Variants in HGSNAT observed in about 807,000 individuals in gnomAD.
HGSNAT encodes transmembrane protein 76.
A neutral mutation model predicts 85.2 loss-of-function variants in HGSNAT; 59 were observed. The observed-to-expected ratio is 0.69, with a 90% CI of 0.56 to 0.86. The LOEUF (loss-of-function observed/expected upper bound fraction) is 0.86. Among genes scored for constraint, HGSNAT ranks in the 40% least tolerant of loss-of-function variants. HGSNAT has a pLI of 0.00. For synonymous variants in HGSNAT, 321 were observed against 304.5 expected (o/e 1.05, Z -0.56); for missense variants, 756 against 777.1 (o/e 0.97, Z 0.32).
chr8:43,198,374 G>A (rs1178160210), intron 17 of HGSNAT, among the ~76,000 whole-genome samples: 3 of 135,130 alleles, frequency 2.2e-5, no homozygotes, highest in African/African-American at 5.6e-5. Context: ...TGCAAGCTCC[G>A]CTTCCCAGGT....
intron 14 of HGSNAT, chr8:43,196,705 T>C (rs1804739177): frequency 1.7e-6 from 1 of 577,958 alleles, no homozygotes; most frequent in African/African-American, 1.9e-5. Context: ...CTCACCTCTG[T>C]GGCTCGTCCT....
At chr8:43,179,468 A>C (rs1586735245) in intron 10 of HGSNAT, among the ~76,000 whole-genome samples, 2 of 94,074 alleles carry the variant, frequency 2.1e-5, no homozygotes, top group Admixed American at 1.9e-4. Context: ...CACCTCCCGG[A>C]CGGGGCGGCC....
intron 11 of HGSNAT, among the ~76,000 whole-genome samples, chr8:43,185,280 T>C (rs1333157243): frequency 6.6e-6 from 1 of 152,262 alleles, no homozygotes; most frequent in Non-Finnish European, 1.5e-5. Context: ...CATGGAATGT[T>C]CTTCCATTTG....
Position 43,199,818 on chromosome 8 carries a change from T to C in HGSNAT, c.*249T>C. The stretch of plus-strand genomic sequence containing the variant: ...TTCCTCCATCTTCTGTGGAAATGGA[T>C]GTCTTTGGAACTTCATTCCGAGGAG... On this transcript the variant is annotated 3_prime_UTR_variant, in exon 18 of 18. Coordinates refer to ENST00000379644, the MANE Select transcript of HGSNAT (RefSeq NM_152419.3). 3.1e-6 allele frequency: 1 copy of C among 320,340 alleles called. No homozygotes were observed. Among genetic ancestry groups the C allele is most frequent in the South Asian group, 1.4e-4 (1 of 7,216 alleles). The allele number at this position is 320,340 out of a possible 1,614,324, so 19.8% of individuals were successfully genotyped here. A position where few individuals can be genotyped will look rare whatever the true frequency, so the allele number is the denominator to read the frequency against.
chr8:43,195,008 T>C (rs1290104757), intron 14 of HGSNAT, among the ~76,000 whole-genome samples: 1 of 152,130 alleles, frequency 6.6e-6, no homozygotes, highest in Non-Finnish European at 1.5e-5. Flanking sequence ...AGTGGGACAG[T>C]CCCTAGCCAG....
At chr8:43,147,591 C>A (rs1586698989) in intron 2 of HGSNAT, among the ~76,000 whole-genome samples, 1 of 152,192 alleles carries the variant, frequency 6.6e-6, no homozygotes, top group African/African-American at 2.4e-5. Flanking sequence ...GAAATCATGT[C>A]CTTTGCAGCA....
intron 1 of HGSNAT, 64 bp from the exon 2 acceptor site, chr8:43,146,884 T>C: frequency 1.1e-6 from 1 of 895,706 alleles, no homozygotes; most frequent in East Asian, 2.6e-5. Context: ...GAATGTACTT[T>C]GTCTCTAACA....
At chr8:43,198,033 T>C (rs1804786366) in intron 17 of HGSNAT, 81 bp downstream of exon 17, 2 of 1,014,186 alleles carry the variant, frequency 2.0e-6, no homozygotes, top group Admixed American at 4.3e-5. Flanking sequence ...TCCTTGGTGC[T>C]GGGGTCTTGA....
chr8:43,190,790 A>C (rs1315422226), intron 11 of HGSNAT, among the ~76,000 whole-genome samples: 2 of 152,186 alleles, frequency 1.3e-5, no homozygotes, highest in African/African-American at 4.8e-5. Context: ...TCCCATGTTG[A>C]AAGTGTACAA....
chr8:43,193,590 G>A (rs1480402805), intron 13 of HGSNAT, among the ~76,000 whole-genome samples, 167 bp from the exon 14 acceptor site: 2 of 152,156 alleles, frequency 1.3e-5, no homozygotes, highest in South Asian at 2.1e-4. Context: ...TTTCTTAGCC[G>A]GAAGCATTCT....
chr8:43,142,230 T>C (rs985859162), intron 1 of HGSNAT, among the ~76,000 whole-genome samples: 3 of 152,086 alleles, frequency 2.0e-5, no homozygotes, highest in Non-Finnish European at 2.9e-5. Context: ...GTGACTTTAT[T>C]TGGTAATTTG....
At chr8:43,142,034 T>C (rs996299350) in intron 1 of HGSNAT, among the ~76,000 whole-genome samples, 1 of 151,996 alleles carries the variant, frequency 6.6e-6, no homozygotes, top group African/African-American at 2.4e-5. Flanking sequence ...ACTAAAAACG[T>C]CATCATCTTC....
Position 43,172,337 on chromosome 8 carries a change from C to G in HGSNAT, c.771C>G (p.Val257=). Residue 257 remains valine, a synonymous_variant, in exon 8 of 18, where the codon GTC becomes GTG. Transcript: ENST00000379644. ...RGIALILMVF[V]NYGGGKYWYF... ...TTGCTCTTATACTCATGGTCTTTGT[C>G]AATTATGGAGGAGGAAAATATTGGT... is the stretch of plus-strand genomic sequence containing the variant. 6.2e-7 allele frequency: 1 copy of G among 1,612,016 alleles called. No homozygotes were observed. Among genetic ancestry groups the G allele is most frequent in the Non-Finnish European group, 8.5e-7 (1 of 1,178,144 alleles).
intron 7 of HGSNAT, among the ~76,000 whole-genome samples, chr8:43,171,112 T>G (rs1448680572): frequency 6.6e-6 from 1 of 152,222 alleles, no homozygotes; most frequent in Non-Finnish European, 1.5e-5. Context: ...CAGAGTGACT[T>G]GAGTATCAGG....
intron 2 of HGSNAT, among the ~76,000 whole-genome samples, chr8:43,150,476 A>ACAAAT: frequency 6.6e-6 from 1 of 152,164 alleles, no homozygotes; most frequent in East Asian, 1.9e-4. Context: ...ACAAAACAAA[A>ACAAAT]CAAAAACAAG....
At chr8:43,189,512 G>A (rs868634825) in intron 11 of HGSNAT, among the ~76,000 whole-genome samples, 2 of 152,108 alleles carry the variant, frequency 1.3e-5, no homozygotes, top group Non-Finnish European at 1.5e-5. Flanking sequence ...GGAGTGTCCC[G>A]ATTTTCCAGG....
At chr8:43,140,771 C>G (rs1431661463) in intron 1 of HGSNAT, among the ~76,000 whole-genome samples, 157 bp downstream of exon 1, 1 of 151,972 alleles carries the variant, frequency 6.6e-6, no homozygotes, top group East Asian at 1.9e-4. Context: ...GGTCCCGCGC[C>G]CCAGACCGGA....
intron 9 of HGSNAT, among the ~76,000 whole-genome samples, chr8:43,177,177 C>A (rs1459236366): frequency 1.3e-5 from 2 of 151,990 alleles, no homozygotes; most frequent in Non-Finnish European, 2.9e-5. Flanking sequence ...CCAAGGAATG[C>A]AGCAAGAGCA....
chr8:43,181,350 G>T (rs534529057), intron 10 of HGSNAT, among the ~76,000 whole-genome samples: 1 of 151,996 alleles, frequency 6.6e-6, no homozygotes, highest in African/African-American at 2.4e-5. Context: ...TTAGTGGTGC[G>T]CAGGGACAGC....
Sources: gnomAD v4.1 joint callset for allele counts (sites outside exome capture counted in the v4.1 genomes callset) on GRCh38, gnomAD v4.1.1 for gene constraint, MANE v1.5 for transcripts, NCBI Gene and HGNC (gene_info 2026-07-23, HGNC 2026-07-21) for gene names.